Variants in WLS observed in about 807,000 individuals in gnomAD.
The protein encoded by WLS is protein wntless homolog.
Under a neutral mutation model 62.8 loss-of-function variants are expected in WLS, and 23 were observed. The ratio of observed to expected loss-of-function variants is 0.37; its 90% CI spans 0.26 to 0.52. The LOEUF is 0.52. WLS is among the 20% of genes least tolerant of loss of function. The pLI is 0.92. For missense variants in WLS, 615 were observed against 697.3 expected (o/e 0.88, Z 1.33); for synonymous variants, 246 against 244.1 (o/e 1.01, Z -0.07).
At position 68,126,317 on chromosome 1, in the gene WLS, C is replaced by T; in HGVS notation, c.1535G>A (p.Ser512Asn). The change falls in exon 12 of 12, where the codon AGT (serine) becomes AAT (asparagine). Residue 512 changes from serine (S) to asparagine (N), a missense_variant. Coordinates refer to ENST00000262348, the MANE Select transcript of WLS (RefSeq NM_024911.7). ...DQSNGDLGVHSGEELQLTTTI... is the reference protein window; with the variant it reads ...DQSNGDLGVHNGEELQLTTTI... ...GGTGGTGAGCTGGAGTTCTTCCCCA[C>T]TATGGACACCCAGATCGCCTGAAAC... The T allele has an allele frequency of 1.9e-6, 3 of 1,614,086 alleles. No individual in the cohort carries two copies. The highest frequency in any genetic ancestry group is 2.5e-6 in the Non-Finnish European group (3 of 1,180,032).
chr1:68,156,118 T>C (rs1054099997), intron 3 of WLS, among the ~76,000 whole-genome samples: 1 of 152,120 alleles, frequency 6.6e-6, no homozygotes, highest in South Asian at 2.1e-4. Flanking sequence ...CCCGGCTGTG[T>C]ACCTGCTGAG....
chr1:68,121,281 G>C (rs1474335811), downstream of WLS: 1 of 152,188 alleles, frequency 6.6e-6, no homozygotes, highest in Non-Finnish European at 1.5e-5. Context: ...ACCATGTCTG[G>C]AGGAGGGGTT....
intron 11 of WLS, among the ~76,000 whole-genome samples, 156 bp downstream of exon 11, chr1:68,137,624 G>A (rs1374422504): frequency 2.0e-5 from 3 of 152,218 alleles, no homozygotes; most frequent in Non-Finnish European, 4.4e-5. Flanking sequence ...TCTTATGGGT[G>A]AGTCCCCTGG....
chr1:68,108,356 TAAAAG>T (rs1557444581), intron 11 of WLS, among the ~76,000 whole-genome samples: 1 of 152,154 alleles, frequency 6.6e-6, no homozygotes, highest in African/African-American at 2.4e-5. Context: ...CTTCATCTCT[TAAAAG>T]AGACCAAAAG....
chr1:68,115,302 C>T (rs1046308007), intron 11 of WLS, among the ~76,000 whole-genome samples: 20 of 152,294 alleles, frequency 1.3e-4, no homozygotes, highest in Middle Eastern at 3.4e-3. Context: ...TGCCTAGAAC[C>T]CCAGTAATGA....
chr1:68,163,477 C>T (rs1316523145), intron 2 of WLS, among the ~76,000 whole-genome samples: 2 of 151,944 alleles, frequency 1.3e-5, no homozygotes, highest in Non-Finnish European at 2.9e-5. Flanking sequence ...TTCGGTCCCT[C>T]GCTCCTCCGG....
At chr1:68,221,951 C>T (rs1649958085) in intron 1 of WLS, among the ~76,000 whole-genome samples, 1 of 152,164 alleles carries the variant, frequency 6.6e-6, no homozygotes, top group South Asian at 2.1e-4. Flanking sequence ...CAATTACCTT[C>T]AAAGTGAAGA....
chr1:68,187,122 A>C (rs1647998536), intron 2 of WLS, among the ~76,000 whole-genome samples: 1 of 147,376 alleles, frequency 6.8e-6, no homozygotes, highest in Non-Finnish European at 1.5e-5. Flanking sequence ...CTGAGGCAGG[A>C]GAATGGCATG....
chr1:68,209,322 T>C (rs765453996), intron 1 of WLS, among the ~76,000 whole-genome samples: 18 of 152,224 alleles, frequency 1.2e-4, no homozygotes, highest in Non-Finnish European at 2.2e-4. Context: ...CTACAGAGAT[T>C]CCAAGTTCTC....
chr1:68,212,778 T>C (rs1173583060), intron 1 of WLS, among the ~76,000 whole-genome samples: 1 of 152,236 alleles, frequency 6.6e-6, no homozygotes, highest in Admixed American at 6.5e-5. Context: ...TTCAGATCTA[T>C]AGTAGGTTAC....
Position 68,137,795 on chromosome 1 carries a change from C to G in WLS, c.1501G>C (p.Glu501Gln). The change falls in exon 11 of 12, where the codon GAA becomes CAA. Residue 501 changes from glutamate to glutamine, a missense_variant. Coordinates refer to ENST00000262348, the MANE Select transcript of WLS (RefSeq NM_024911.7). Reference sequence around the variant, plus strand: ...AGAAACTCACCATTGGACTGGTCTTCTCCATAGTTTTTATGGGATGGTGCA... The same window carrying G: ...AGAAACTCACCATTGGACTGGTCTTGTCCATAGTTTTTATGGGATGGTGCA... The part of the protein sequence containing the change: ...LYAPSHKNYG[E>Q]DQSNGDLGVH... The G allele has an allele frequency of 1.9e-6, 3 of 1,613,808 alleles. No homozygotes were observed. Among genetic ancestry groups the G allele is most frequent in the Non-Finnish European group, 2.5e-6 (3 of 1,179,786 alleles).
chr1:68,102,399 G>C (rs269347), intron 11 of WLS, among the ~76,000 whole-genome samples: 45,730 of 151,806 alleles, frequency 0.3, 11,993 homozygotes, highest in African/African-American at 0.72. Context: ...CCGTTGAATC[G>C]TAGCCTGGGA....
intron 11 of WLS, among the ~76,000 whole-genome samples, chr1:68,111,318 A>G (rs911524622): frequency 1.3e-5 from 2 of 152,206 alleles, no homozygotes; most frequent in Non-Finnish European, 2.9e-5. Flanking sequence ...TGGGAGAAAG[A>G]AGGACCACAC....
Position 68,125,502 on chromosome 1 carries a change from T to C in WLS, c.*724A>G. On this transcript the variant is annotated 3_prime_UTR_variant, in exon 12 of 12. Coordinates refer to ENST00000262348, the MANE Select transcript of WLS (RefSeq NM_024911.7). ...ATTTTAAGCAAGAAGTTAAAAAAGC[T>C]TTTCAGACCCGAAGGCCATTTAATA... The C allele has an allele frequency of 1.0e-6, 1 of 985,466 alleles. No individual in the cohort carries two copies. Among genetic ancestry groups the C allele is most frequent in the Non-Finnish European group, 1.2e-6 (1 of 829,942 alleles). 61.0% of individuals were successfully genotyped at this position (985,466 alleles called of 1,614,324 possible). A position where few individuals can be genotyped will look rare whatever the true frequency, so the allele number is the denominator to read the frequency against.
In WLS at chr1:68,125,922, C is replaced by A. The variant is rs1646423216; in HGVS notation, c.*304G>T. ...AAGGAATACACCCCCACCCCACCCCCACATGAGGTTTACTAACCAGCTGCT... is the reference window on the plus strand; with the variant it reads ...AAGGAATACACCCCCACCCCACCCCAACATGAGGTTTACTAACCAGCTGCT... On this transcript the variant is annotated 3_prime_UTR_variant, in exon 12 of 12. Transcript: ENST00000262348. The A allele has an allele frequency of 2.7e-6, 3 of 1,123,256 alleles. No individual in the cohort carries two copies. The highest frequency in any genetic ancestry group is 3.3e-6 in the Non-Finnish European group (3 of 916,482). The allele number at this position is 1,123,256 out of a possible 1,614,324, so 69.6% of individuals were successfully genotyped here.
intron 10 of WLS, among the ~76,000 whole-genome samples, chr1:68,139,028 A>G (rs943931405): frequency 6.6e-6 from 1 of 152,214 alleles, no homozygotes; most frequent in African/African-American, 2.4e-5. Flanking sequence ...CCCTAGGCCA[A>G]ATTAAGGTCT....
chr1:68,174,384 G>A (rs1017747000), intron 2 of WLS, among the ~76,000 whole-genome samples: 2 of 152,164 alleles, frequency 1.3e-5, no homozygotes, highest in African/African-American at 4.8e-5. Context: ...TAAAGATAAG[G>A]TCCTTCCCTT....
At chr1:68,158,916 T>C (rs1646935498) in intron 3 of WLS, among the ~76,000 whole-genome samples, 1 of 152,238 alleles carries the variant, frequency 6.6e-6, no homozygotes, top group African/African-American at 2.4e-5. Flanking sequence ...TTTACTATTT[T>C]GCAGGAAATC....
At chr1:68,144,122 C>T (rs1484598051) in intron 10 of WLS, among the ~76,000 whole-genome samples, 1 of 152,084 alleles carries the variant, frequency 6.6e-6, no homozygotes, top group Non-Finnish European at 1.5e-5. Context: ...TTGGAAATAA[C>T]CAGTGAAAAG....
Sources: allele counts gnomAD v4.1 joint callset (sites outside exome capture counted in the v4.1 genomes callset), GRCh38; gene constraint gnomAD v4.1.1; transcripts MANE v1.5; gene names NCBI Gene and HGNC (gene_info 2026-07-23, HGNC 2026-07-21).